The following ADAM19 variants were observed in gnomAD, a reference collection of about 807,000 sequenced individuals.
ADAM19 encodes the protein disintegrin and metalloproteinase domain-containing protein 19.
A neutral mutation model predicts 114.7 loss-of-function variants in ADAM19; 65 were observed. The observed-to-expected ratio is 0.57, with a 90% CI of 0.46 to 0.70. The LOEUF (loss-of-function observed/expected upper bound fraction) is 0.70, where lower values mean the gene tolerates loss of function less well. Among genes scored for constraint, ADAM19 ranks in the 30% least tolerant of loss-of-function variants. The pLI is 0.00. For missense variants in ADAM19, 1,063 were observed against 1,204.7 expected (o/e 0.88, Z 1.74); for synonymous variants, 466 against 460.5 (o/e 1.01, Z -0.15).
chr5:157,499,771 CTCTT>C, intron 12 of ADAM19, 109 bp from the exon 13 acceptor site: 75 of 541,628 alleles, frequency 1.4e-4, no homozygotes, highest in South Asian at 2.4e-4. Context: ...TAGCAACTAT[CTCTT>C]TTTTTTTTTT....
chr5:157,477,462 C>T lies in ADAM19; in HGVS notation c.*3487G>A. ...GATCTGTTTTCCGTGAACAATCTCC[C>T]AAATAAAAAGAAAATTCACATTGCC... On this transcript the variant is annotated 3_prime_UTR_variant, in exon 23 of 23. Transcript: ENST00000257527. 9.7e-7 allele frequency: 1 copy of T among 1,035,448 alleles called. No homozygotes were observed. The highest frequency in any genetic ancestry group is 1.2e-6 in the Non-Finnish European group (1 of 856,736). The allele number at this position is 1,035,448 out of a possible 1,614,324, so 64.1% of individuals were successfully genotyped here.
chr5:157,491,651 C>G lies in ADAM19; in HGVS notation c.2059G>C (p.Gly687Arg). 1.3e-6 allele frequency: 2 copies of G among 1,558,352 alleles called. No individual in the cohort carries two copies. Among genetic ancestry groups the G allele is most frequent in the Non-Finnish European group, 1.7e-6 (2 of 1,151,136 alleles). The change falls in exon 18 of 23, where the codon GGG becomes CGG. Residue 687 changes from glycine (G) to arginine (R), a missense_variant. By Grantham distance (125) the Gly-to-Arg change is moderately radical. This residue lies in a region of ADAM19 where 424 missense variants were observed against 445.5 expected (regional missense o/e 0.95). Coordinates refer to ENST00000257527, the MANE Select transcript of ADAM19 (RefSeq NM_033274.5). Reference protein sequence around the residue: ...APPFCNTPGHGGSIDSGPMPP... With the variant: ...APPFCNTPGHRGSIDSGPMPP... ...ATAGGCCCACTGTCGATACTGCCCC[C>G]GTGGCCCGGTGTGTTGCAGAAGGGC...
At chr5:157,540,128 C>T (rs915183278) in intron 3 of ADAM19, among the ~76,000 whole-genome samples, 2 of 152,186 alleles carry the variant, frequency 1.3e-5, no homozygotes, top group African/African-American at 4.8e-5. Flanking sequence ...GACTTAATGC[C>T]ATGCCTGGCA....
intron 2 of ADAM19, among the ~76,000 whole-genome samples, chr5:157,569,984 C>A (rs542524822): frequency 6.6e-6 from 1 of 152,170 alleles, no homozygotes; most frequent in Non-Finnish European, 1.5e-5. Flanking sequence ...CCACAGTGGG[C>A]CACAGTGGCT....
intron 15 of ADAM19, among the ~76,000 whole-genome samples, chr5:157,493,412 C>A (rs779056946): frequency 2.6e-5 from 4 of 152,102 alleles, no homozygotes; most frequent in Non-Finnish European, 5.9e-5. Flanking sequence ...GAACTGGCCT[C>A]GAAAAGTCCT....
At chr5:157,558,911 G>A (rs372904411) in intron 3 of ADAM19, among the ~76,000 whole-genome samples, 2 of 152,116 alleles carry the variant, frequency 1.3e-5, no homozygotes, top group East Asian at 3.8e-4. Flanking sequence ...GAGGAAAAAC[G>A]AGAATGTTAG....
At chr5:157,544,878 C>T (rs749758082) in intron 3 of ADAM19, among the ~76,000 whole-genome samples, 23 of 151,810 alleles carry the variant, frequency 1.5e-4, no homozygotes, top group East Asian at 3.9e-4. Flanking sequence ...AAGGGAAAGA[C>T]GAATGTAAGA....
chr5:157,518,673 C>T (rs1270901114), intron 7 of ADAM19, 150 bp downstream of exon 7: 6 of 762,452 alleles, frequency 7.9e-6, no homozygotes, highest in African/African-American at 7.0e-5. Flanking sequence ...CGTGAGCCGC[C>T]GCGCCCAGCC....
intron 3 of ADAM19, among the ~76,000 whole-genome samples, chr5:157,545,394 A>T (rs1757021179): frequency 6.6e-6 from 1 of 152,200 alleles, no homozygotes; most frequent in Non-Finnish European, 1.5e-5. Flanking sequence ...TGAATGCTTC[A>T]TGATATGCCT....
chr5:157,480,263 C>G lies in ADAM19; in HGVS notation c.*686G>C. 1.0e-6 allele frequency: 1 copy of G among 985,838 alleles called. No homozygotes were observed. Among genetic ancestry groups the G allele is most frequent in the African/African-American group, 1.7e-5 (1 of 57,358 alleles). The allele number at this position is 985,838 out of a possible 1,614,324, so 61.1% of individuals were successfully genotyped here. On this transcript the variant is annotated 3_prime_UTR_variant, in exon 23 of 23. Transcript: ENST00000257527. The stretch of plus-strand genomic sequence containing the variant: ...CATCACGGCTCAGAGGAAGCCCAAG[C>G]CCGGTGCTCCTCCTGCTGTCTACAC...
chr5:157,520,632 G>A (rs747887257), intron 5 of ADAM19, among the ~76,000 whole-genome samples: 27 of 152,144 alleles, frequency 1.8e-4, no homozygotes, highest in Non-Finnish European at 3.2e-4. Context: ...CCCTAACACG[G>A]CAATGATAAC....
intron 4 of ADAM19, among the ~76,000 whole-genome samples, chr5:157,533,514 C>A (rs986805892): frequency 6.6e-6 from 1 of 152,136 alleles, no homozygotes; most frequent in Non-Finnish European, 1.5e-5. Flanking sequence ...GTCCTTAGAA[C>A]TCAACAGGGG....
intron 3 of ADAM19, 51 bp from the exon 4 acceptor site, chr5:157,538,042 C>T: frequency 7.0e-7 from 1 of 1,435,406 alleles, no homozygotes; most frequent in South Asian, 1.1e-5. Context: ...GAACTCCACC[C>T]TCCTAGCAAC....
intron 5 of ADAM19, among the ~76,000 whole-genome samples, chr5:157,530,109 G>A (rs1235318229): frequency 6.6e-6 from 1 of 152,160 alleles, no homozygotes; most frequent in African/African-American, 2.4e-5. Context: ...TGACCATAGA[G>A]GGACTGCCCC....
At chr5:157,546,338 G>A (rs1757047427) in intron 3 of ADAM19, among the ~76,000 whole-genome samples, 1 of 152,198 alleles carries the variant, frequency 6.6e-6, no homozygotes, top group Non-Finnish European at 1.5e-5. Flanking sequence ...ATGTGTGCGT[G>A]TTGAGAGCAG....
chr5:157,563,354 C>T (rs953107866), intron 3 of ADAM19, among the ~76,000 whole-genome samples: 1 of 152,164 alleles, frequency 6.6e-6, no homozygotes, highest in Non-Finnish European at 1.5e-5. Context: ...TAACCACACT[C>T]GGGACAGCAC....
At chr5:157,504,846 G>GGGCA (rs1482859554) in intron 11 of ADAM19, among the ~76,000 whole-genome samples, 26 of 120,474 alleles carry the variant, frequency 2.2e-4, no homozygotes, top group African/African-American at 7.3e-4. Flanking sequence ...CATGTCCAGC[G>GGGCA]CGGTGGCTCA....
At chr5:157,502,186 A>G (rs975959245) in intron 12 of ADAM19, among the ~76,000 whole-genome samples, 2 of 152,232 alleles carry the variant, frequency 1.3e-5, no homozygotes, top group African/African-American at 2.4e-5. Context: ...TTCAAAAAAT[A>G]GAGACGAAAC....
At chr5:157,516,666 T>A (rs1334023391) in intron 7 of ADAM19, among the ~76,000 whole-genome samples, 3 of 152,086 alleles carry the variant, frequency 2.0e-5, no homozygotes, top group African/African-American at 7.2e-5. Flanking sequence ...AAGGATTCTG[T>A]AGCTGAAAAA....
Sources: gnomAD v4.1 joint callset for allele counts (sites outside exome capture counted in the v4.1 genomes callset) on GRCh38, gnomAD v4.1.1 for gene constraint, gnomAD v4.1.1 regional missense constraint, MANE v1.5 for transcripts, NCBI Gene and HGNC (gene_info 2026-07-23, HGNC 2026-07-21) for gene names.